ASB15: variants seen among roughly 807,000 people sequenced by gnomAD.
ASB15 encodes ankyrin repeat and SOCS box containing 15.
In ASB15, 54 loss-of-function variants were observed where a neutral mutation model predicts 58.0. The observed-to-expected ratio is 0.93, with a 90% confidence interval of 0.75 to 1.17. ASB15 has a LOEUF of 1.17. Among genes scored for constraint, ASB15 ranks in the 50% most tolerant of loss-of-function variants. The pLI is 0.00. For missense variants in ASB15, 680 were observed against 707.4 expected, an observed-to-expected ratio of 0.96 and a Z score of 0.44; for synonymous variants, 249 against 262.4, an observed-to-expected ratio of 0.95 and a Z score of 0.50.
chr7:123,608,921 G>A lies in ASB15; in HGVS notation c.-3+267G>A, dbSNP rs906104709. The A allele has an allele frequency of 4.1e-5, 6 of 147,714 alleles. No individual in the cohort carries two copies. The South Asian group carries it at 1.1e-3, about 27-fold the overall frequency. The allele number at this position is 147,714 out of a possible 1,614,324, so 9.2% of individuals were successfully genotyped here. On this transcript the variant is annotated intron_variant, in intron 3 of 11. Coordinates refer to ENST00000451215, the MANE Select transcript of ASB15 (RefSeq NM_001290258.2). ...ACAAATGATCAAAGTGCATAAAAAT[G>A]AGAATTCGTATTGTTTGGTATATAA...
chr7:123,577,417 ATATAAC>A (rs1799095870), intron 1 of ASB15, among the ~76,000 whole-genome samples: 1 of 152,188 alleles, frequency 6.6e-6, no homozygotes. Flanking sequence ...AGCTGTTAGA[ATATAAC>A]AATCACATTT....
chr7:123,614,263 G>A, intron 3 of ASB15: 1 of 380,414 alleles, frequency 2.6e-6, no homozygotes, highest in Non-Finnish European at 4.6e-6. Flanking sequence ...TCAAAAGTTA[G>A]AAAGTGCAAA....
intron 1 of ASB15, among the ~76,000 whole-genome samples, chr7:123,587,965 A>C (rs1211771346): frequency 2.6e-5 from 4 of 151,724 alleles, no homozygotes; most frequent in Non-Finnish European, 5.9e-5. Flanking sequence ...TTTTGCATCT[A>C]TGTTCATCAG....
chr7:123,585,551 T>C (rs1390295246), intron 1 of ASB15, among the ~76,000 whole-genome samples: 1 of 151,812 alleles, frequency 6.6e-6, no homozygotes, highest in Admixed American at 6.6e-5. Context: ...TGCTGCAATG[T>C]GATTGTTTGA....
chr7:123,615,701 C>T (rs768139931), intron 4 of ASB15, among the ~76,000 whole-genome samples: 2 of 152,096 alleles, frequency 1.3e-5, no homozygotes, highest in Non-Finnish European at 2.9e-5. Flanking sequence ...ATTTAAAACT[C>T]GCATATGTAG....
chr7:123,569,935 T>G (rs966507669), intron 1 of ASB15, among the ~76,000 whole-genome samples: 1 of 152,126 alleles, frequency 6.6e-6, no homozygotes, highest in Non-Finnish European at 1.5e-5. Context: ...AAATAATGAT[T>G]GTTATTATTA....
chr7:123,608,436 TGTTGA>T (rs1259938794), intron 2 of ASB15, among the ~76,000 whole-genome samples, 153 bp from the exon 3 acceptor site: 1 of 152,228 alleles, frequency 6.6e-6, no homozygotes, highest in African/African-American at 2.4e-5. Flanking sequence ...TTTTCTAAAA[TGTTGA>T]GTTGTGTTTC....
rs1299122349 is a variant in ASB15, at chr7:123,637,899, A to AAAAAAAAAAAAAAAAAAAAAAAAC, written c.*919_*920insAAAAAAAAAAAAAAAAAAAAAACA. ...GAACTAAAAAAAAAAAAAAAAAAAAAACCTCTTTCCCGAGCTCAGTAGTTA... is the reference window on the plus strand; with the variant it reads ...GAACTAAAAAAAAAAAAAAAAAAAAAAAAAAAAAAAAAAAAAAAAAAAACACCTCTTTCCCGAGCTCAGTAGTTA... On this transcript the variant is annotated 3_prime_UTR_variant, in exon 12 of 12. Coordinates refer to ENST00000451215, the MANE Select transcript of ASB15 (RefSeq NM_001290258.2). 6.7e-6 allele frequency: 1 copy of AAAAAAAAAAAAAAAAAAAAAAAAC among 150,008 alleles called. No homozygotes were observed. Among genetic ancestry groups the AAAAAAAAAAAAAAAAAAAAAAAAC allele is most frequent in the Non-Finnish European group, 1.5e-5 (1 of 67,872 alleles). 9.3% of individuals were successfully genotyped at this position (150,008 alleles called of 1,614,324 possible).
chr7:123,611,897 G>C (rs151328280), intron 3 of ASB15, among the ~76,000 whole-genome samples: 2 of 151,694 alleles, frequency 1.3e-5, no homozygotes, highest in East Asian at 1.9e-4. Flanking sequence ...AAAGTGTTCC[G>C]ATCATTTTCA....
At chr7:123,632,624 T>C (rs1350195517) in intron 11 of ASB15, among the ~76,000 whole-genome samples, 2 of 152,142 alleles carry the variant, frequency 1.3e-5, no homozygotes, top group African/African-American at 4.8e-5. Context: ...CAAAGTCCAT[T>C]GTATCATTCT....
intron 7 of ASB15, among the ~76,000 whole-genome samples, chr7:123,623,982 AG>A (rs1269007425): frequency 2.0e-5 from 3 of 146,788 alleles, no homozygotes; most frequent in South Asian, 2.2e-4. Flanking sequence ...AAAGAAAGAA[AG>A]AAAGAAAGAA....
intron 1 of ASB15, among the ~76,000 whole-genome samples, chr7:123,575,727 TG>T (rs1369616278): frequency 6.6e-6 from 1 of 152,000 alleles, no homozygotes; most frequent in Non-Finnish European, 1.5e-5. Flanking sequence ...TTAATTATCT[TG>T]TAAGTGATGC....
rs71161489 is a variant in ASB15, at chr7:123,623,901, TGGAAGGAA to T, written c.452-654_452-647del. Among the ~76,000 whole-genome samples, 57 of 96,796 alleles carry T rather than the reference TGGAAGGAA, an allele frequency of 5.9e-4. 5 individuals carry two copies. Among genetic ancestry groups the T allele is most frequent in the Admixed American group, 1.3e-3 (12 of 9,240 alleles). 63.5% of individuals were successfully genotyped at this position (96,796 alleles called of 152,430 possible). The stretch of plus-strand genomic sequence containing the variant: ...AGAAAAGAAAAGAAGAAAGAAAGAA[TGGAAGGAA>T]GGAAGGAAGGAAGAAAGAAAGAAAA... On this transcript the variant is annotated intron_variant, in intron 7 of 11. Transcript: ENST00000451215.
intron 8 of ASB15, chr7:123,625,083 C>A: frequency 2.6e-6 from 1 of 385,074 alleles, no homozygotes; most frequent in South Asian, 3.8e-5. Context: ...ATAGATGGCC[C>A]ATCAGGGCCT....
In ASB15 at chr7:123,636,911, C is replaced by G. The variant is rs1299710279; in HGVS notation, c.1697C>G (p.Pro566Arg). 6.3e-7 allele frequency: 1 copy of G among 1,592,460 alleles called. No individual in the cohort carries two copies. The highest frequency in any genetic ancestry group is 8.6e-7 in the Non-Finnish European group (1 of 1,160,512). The change falls in exon 12 of 12, where the codon CCA (proline) becomes CGA (arginine). Residue 566 changes from proline (P) to arginine (R), a missense_variant. By Grantham distance (103) the Pro-to-Arg change is moderately radical (BLOSUM62 -2). Transcript: ENST00000451215. ...GCCTCAGTGGAGAAGCTTCCTCTACCACCAGCTATTCAAAGATACATATTA... is the reference window on the plus strand; with the variant it reads ...GCCTCAGTGGAGAAGCTTCCTCTACGACCAGCTATTCAAAGATACATATTA... ...QPASVEKLPL[P>R]PAIQRYILFK... is the part of the protein sequence containing the mutation.
intron 1 of ASB15, among the ~76,000 whole-genome samples, chr7:123,587,895 C>A (rs1214960474): frequency 3.3e-5 from 5 of 151,660 alleles, no homozygotes; most frequent in Non-Finnish European, 3.0e-5. Flanking sequence ...GCCACTTAAC[C>A]ATGGTACATA....
At position 123,616,282 on chromosome 7, in the gene ASB15, G is replaced by A. The variant is rs370205568; in HGVS notation, c.160+9G>A. 9.3e-6 allele frequency: 15 copies of A among 1,609,838 alleles called. No homozygotes were observed. In the South Asian group the frequency reaches 1.2e-4, roughly 13 times the overall value. On this transcript the variant is annotated intron_variant, in intron 5 of 11. Transcript: ENST00000451215. ...GGAGGCCATAAAACAAGGTAAATGG[G>A]TGTACTATCTACAGTGGGATGGACT...
At chr7:123,627,459 ATTC>A (rs1361554733) in intron 9 of ASB15, among the ~76,000 whole-genome samples, 178 bp downstream of exon 9, 1 of 152,200 alleles carries the variant, frequency 6.6e-6, no homozygotes, top group African/African-American at 2.4e-5. Context: ...TCCTTTTGAT[ATTC>A]TTGTACTTCC....
intron 1 of ASB15, among the ~76,000 whole-genome samples, chr7:123,595,140 T>C (rs1398252971): frequency 6.6e-6 from 1 of 152,182 alleles, no homozygotes; most frequent in Non-Finnish European, 1.5e-5. Flanking sequence ...ATGACACTTA[T>C]CCTAAATGAC....
Sources: gnomAD v4.1 joint callset for allele counts (sites outside exome capture counted in the v4.1 genomes callset) on GRCh38, gnomAD v4.1.1 for gene constraint, MANE v1.5 for transcripts, NCBI Gene and HGNC (gene_info 2026-07-23, HGNC 2026-07-21) for gene names.